Variants in JPH3 observed in about 807,000 individuals in gnomAD.
JPH3 encodes the protein junctophilin 3, also known as junctophilin-3.
Under a neutral mutation model 59.6 loss-of-function variants are expected in JPH3, and 11 were observed. That is an observed-to-expected ratio of 0.18 (90% CI 0.12 to 0.31). The LOEUF (loss-of-function observed/expected upper bound fraction) is 0.31, where lower values mean the gene tolerates loss of function less well. JPH3 is among the 10% of genes least tolerant of loss of function. The probability of loss-of-function intolerance (pLI) is 1.00; values close to 1 mark genes in which losing one functional copy is unlikely to be tolerated. For synonymous variants in JPH3, 673 were observed against 483.6 expected (o/e 1.39, Z -5.14); for missense variants, 1,202 against 1,105.7 (o/e 1.09, Z -1.24).
intron 1 of JPH3, among the ~76,000 whole-genome samples, chr16:87,640,864 G>T (rs1284659285): frequency 4.6e-5 from 7 of 152,236 alleles, no homozygotes; most frequent in African/African-American, 1.4e-4. Flanking sequence ...TTGGGGTGAG[G>T]GTCCCTGTGA....
intron 2 of JPH3, among the ~76,000 whole-genome samples, chr16:87,648,788 C>G (rs944304986): frequency 1.3e-5 from 2 of 152,156 alleles, no homozygotes; most frequent in Non-Finnish European, 2.9e-5. Flanking sequence ...TCGGAGCCTT[C>G]GAGGCTCTCC....
intron 2 of JPH3, among the ~76,000 whole-genome samples, chr16:87,656,413 A>C (rs1271612123): frequency 2.0e-5 from 3 of 152,100 alleles, no homozygotes; most frequent in Non-Finnish European, 4.4e-5. Flanking sequence ...GGACTTACAG[A>C]GGGGGCTTCA....
chr16:87,645,085 T>C, intron 2 of JPH3, 50 bp downstream of exon 2: 2 of 1,550,060 alleles, frequency 1.3e-6, no homozygotes, highest in South Asian at 2.4e-5. Flanking sequence ...AGAAGGTGTT[T>C]GTGAGCCCAG....
chr16:87,650,691 G>T (rs1214540379), intron 2 of JPH3, among the ~76,000 whole-genome samples: 1 of 152,220 alleles, frequency 6.6e-6, no homozygotes, highest in Non-Finnish European at 1.5e-5. Flanking sequence ...AAATTTTAGG[G>T]TCTGAAGAGA....
At chr16:87,640,789 G>T (rs1232695125) in intron 1 of JPH3, among the ~76,000 whole-genome samples, 1 of 152,248 alleles carries the variant, frequency 6.6e-6, no homozygotes. Context: ...CAGGCGTCCT[G>T]TGTTTGATGT....
intron 1 of JPH3, among the ~76,000 whole-genome samples, chr16:87,612,079 G>C (rs1462538462): frequency 6.6e-6 from 1 of 152,224 alleles, no homozygotes; most frequent in Non-Finnish European, 1.5e-5. Context: ...ACCCACAGGT[G>C]CTGATTGAGG....
rs1382107932 is a variant in JPH3, at chr16:87,661,411, T to TCTCCTCTGGGCCTGCC, written c.1160+16379_1160+16394dup. On this transcript the variant is annotated intron_variant, in intron 2 of 4. Coordinates refer to ENST00000284262, the MANE Select transcript of JPH3 (RefSeq NM_020655.4). The stretch of plus-strand genomic sequence containing the variant: ...AGGGCTGTGTTTCTGCTGACCACGC[T>TCTCCTCTGGGCCTGCC]CTCCTCTGGGCCTGCCCTTTGCATC... Among the ~76,000 whole-genome samples the TCTCCTCTGGGCCTGCC allele has an allele frequency of 2.0e-5, 3 of 152,368 alleles. No individual in the cohort carries two copies. In the East Asian group the frequency reaches 5.8e-4, roughly 29 times the overall value.
At chr16:87,659,606 G>T (rs996778031) in intron 2 of JPH3, among the ~76,000 whole-genome samples, 1 of 151,580 alleles carries the variant, frequency 6.6e-6, no homozygotes, top group Non-Finnish European at 1.5e-5. Flanking sequence ...GGTGACAGGT[G>T]CCTGTAATCC....
intron 4 of JPH3, among the ~76,000 whole-genome samples, chr16:87,692,515 C>T (rs2033621320): frequency 6.6e-6 from 1 of 152,088 alleles, no homozygotes; most frequent in Admixed American, 6.5e-5. Flanking sequence ...CCACCATTCC[C>T]AACATGCTGC....
At chr16:87,627,125 C>T (rs907383571) in intron 1 of JPH3, among the ~76,000 whole-genome samples, 1 of 152,222 alleles carries the variant, frequency 6.6e-6, no homozygotes, top group South Asian at 2.1e-4. Flanking sequence ...CGAGGCCAGT[C>T]ATTAGTTGCC....
At chr16:87,660,267 T>C (rs895340225) in intron 2 of JPH3, among the ~76,000 whole-genome samples, 1 of 151,854 alleles carries the variant, frequency 6.6e-6, no homozygotes, top group African/African-American at 2.4e-5. Flanking sequence ...TTTCAGAGAG[T>C]TGAGCTTTTC....
intron 2 of JPH3, among the ~76,000 whole-genome samples, chr16:87,657,744 G>A (rs1052911001): frequency 1.3e-5 from 2 of 152,188 alleles, no homozygotes; most frequent in African/African-American, 4.8e-5. Flanking sequence ...ACCATGAGCT[G>A]GTCCTTTAAG....
chr16:87,687,214 C>T (rs958441378), intron 3 of JPH3, among the ~76,000 whole-genome samples: 1 of 152,144 alleles, frequency 6.6e-6, no homozygotes, highest in Non-Finnish European at 1.5e-5. Context: ...CTTCCTCAGT[C>T]GTCCTCACAG....
At chr16:87,616,132 C>G (rs12921806) in intron 1 of JPH3, among the ~76,000 whole-genome samples, 44,126 of 151,208 alleles carry the variant, frequency 0.29, 6,833 homozygotes, top group Non-Finnish European at 0.36. Flanking sequence ...TTTGAATTTT[C>G]TCCAGGGCCC....
At chr16:87,613,614 C>T (rs1050599628) in intron 1 of JPH3, among the ~76,000 whole-genome samples, 2 of 152,184 alleles carry the variant, frequency 1.3e-5, no homozygotes, top group African/African-American at 4.8e-5. Flanking sequence ...AGCCACCTAG[C>T]CCAGCCTATT....
At chr16:87,608,785 C>T (rs1033190809) in intron 1 of JPH3, among the ~76,000 whole-genome samples, 5 of 152,148 alleles carry the variant, frequency 3.3e-5, no homozygotes, top group African/African-American at 1.2e-4. Context: ...GCCTGCGATC[C>T]CAACACTTTG....
intron 2 of JPH3, among the ~76,000 whole-genome samples, chr16:87,652,682 T>G (rs1263332639): frequency 6.6e-6 from 1 of 152,204 alleles, no homozygotes; most frequent in Non-Finnish European, 1.5e-5. Flanking sequence ...GGTGCGGAGC[T>G]TACGGAGGTG....
chr16:87,691,808 C>G (rs909210899), intron 4 of JPH3, among the ~76,000 whole-genome samples: 2 of 152,096 alleles, frequency 1.3e-5, no homozygotes, highest in African/African-American at 4.8e-5. Context: ...CTCACACTTA[C>G]AACTTGATTT....
chr16:87,678,725 A>C (rs1233977798), intron 2 of JPH3, among the ~76,000 whole-genome samples: 1 of 152,170 alleles, frequency 6.6e-6, no homozygotes, highest in Non-Finnish European at 1.5e-5. Context: ...ATTCTCCTGG[A>C]TCAGGCTGGG....
Sources: gnomAD v4.1 joint callset for allele counts (sites outside exome capture counted in the v4.1 genomes callset) on GRCh38, gnomAD v4.1.1 for gene constraint, MANE v1.5 for transcripts, NCBI Gene and HGNC (gene_info 2026-07-23, HGNC 2026-07-21) for gene names.